Variants in CHKA observed in about 807,000 individuals in gnomAD.
CHKA encodes the protein choline kinase alpha.
CHKA carries 34 observed loss-of-function variants against 60.1 expected under a neutral mutation model. The ratio of observed to expected loss-of-function variants is 0.57; its 90% CI spans 0.43 to 0.75. The LOEUF (loss-of-function observed/expected upper bound fraction) is 0.75, where lower values mean the gene tolerates loss of function less well. CHKA is among the 30% of genes least tolerant of loss of function. The probability of loss-of-function intolerance (pLI) is 0.00; values close to 1 mark genes in which losing one functional copy is unlikely to be tolerated. For missense variants in CHKA, 563 were observed against 561.3 expected (o/e 1.00, Z -0.03); for synonymous variants, 217 against 223.1 (o/e 0.97, Z 0.24).
At chr11:68,064,911 T>C (rs1856388967) in intron 9 of CHKA, among the ~76,000 whole-genome samples, 1 of 152,180 alleles carries the variant, frequency 6.6e-6, no homozygotes, top group African/African-American at 2.4e-5. Flanking sequence ...TGGAGACCAC[T>C]ATTTTGGAGG....
intron 6 of CHKA, among the ~76,000 whole-genome samples, chr11:68,069,536 T>C (rs1168767331): frequency 6.6e-6 from 1 of 151,938 alleles, no homozygotes; most frequent in Non-Finnish European, 1.5e-5. Context: ...ATACAAAAAT[T>C]AGCTGGGTGT....
chr11:68,097,959 C>T (rs1857568218), intron 1 of CHKA, among the ~76,000 whole-genome samples: 1 of 152,054 alleles, frequency 6.6e-6, no homozygotes, highest in Non-Finnish European at 1.5e-5. Flanking sequence ...AGCTGGAGAG[C>T]ACCATGTGCC....
chr11:68,063,492 CA>C (rs34360525), intron 10 of CHKA, among the ~76,000 whole-genome samples: 66 of 143,848 alleles, frequency 4.6e-4, no homozygotes, highest in Admixed American at 7.6e-4. Flanking sequence ...GACTCCATCT[CA>C]AAAAAAAAAA....
chr11:68,078,154 C>T (rs148378235), intron 3 of CHKA, among the ~76,000 whole-genome samples: 2 of 152,286 alleles, frequency 1.3e-5, no homozygotes, highest in Non-Finnish European at 2.9e-5. Flanking sequence ...CTCGCATACA[C>T]CCCCAAAACA....
chr11:68,075,141 C>T (rs1000615899), intron 3 of CHKA, among the ~76,000 whole-genome samples: 5 of 152,186 alleles, frequency 3.3e-5, no homozygotes, highest in South Asian at 2.1e-4. Flanking sequence ...CTATTTATTT[C>T]GCAACCTATA....
At chr11:68,054,437 C>G (rs1162070063) in intron 11 of CHKA, among the ~76,000 whole-genome samples, 1 of 152,166 alleles carries the variant, frequency 6.6e-6, no homozygotes. Flanking sequence ...GGGACACAGG[C>G]GAGTCTAGAA....
intron 1 of CHKA, among the ~76,000 whole-genome samples, chr11:68,113,701 A>G (rs1042469174): frequency 2.0e-5 from 3 of 151,662 alleles, no homozygotes; most frequent in African/African-American, 7.3e-5. Flanking sequence ...TCTCAAAACA[A>G]AAACAAAAAA....
At chr11:68,119,168 C>T (rs1363113772) in intron 1 of CHKA, among the ~76,000 whole-genome samples, 1 of 152,172 alleles carries the variant, frequency 6.6e-6, no homozygotes, top group Admixed American at 6.6e-5. Flanking sequence ...TGCCATTAAG[C>T]AATTCAGGGA....
At chr11:68,119,265 G>A (rs1858512755) in intron 1 of CHKA, among the ~76,000 whole-genome samples, 1 of 152,118 alleles carries the variant, frequency 6.6e-6, no homozygotes, top group African/African-American at 2.4e-5. Flanking sequence ...CAGTCAGAGG[G>A]GCTGAAGCAC....
intron 3 of CHKA, among the ~76,000 whole-genome samples, chr11:68,080,135 A>G (rs1856932215): frequency 6.6e-6 from 1 of 152,174 alleles, no homozygotes; most frequent in Non-Finnish European, 1.5e-5. Flanking sequence ...CCTCTGCACA[A>G]AGGGCTTGGA....
intron 3 of CHKA, among the ~76,000 whole-genome samples, chr11:68,079,571 T>C (rs909819781): frequency 5.9e-5 from 9 of 152,142 alleles, no homozygotes; most frequent in African/African-American, 2.2e-4. Context: ...GACCTCGTGA[T>C]CCACCCACCT....
At chr11:68,070,926 C>T (rs751630860) in intron 4 of CHKA, 69 bp from the exon 5 acceptor site, 319 of 1,495,538 alleles carry the variant, frequency 2.1e-4, no homozygotes, top group Non-Finnish European at 2.7e-4. Context: ...ATCACACAGT[C>T]TTAGGAACGA....
At chr11:68,086,844 G>A (rs903746225) in intron 2 of CHKA, among the ~76,000 whole-genome samples, 1 of 152,226 alleles carries the variant, frequency 6.6e-6, no homozygotes. Flanking sequence ...AAAATTGCCT[G>A]GCGCGGTGGC....
chr11:68,108,741 C>CA (rs1160975215), intron 1 of CHKA, among the ~76,000 whole-genome samples: 97 of 150,776 alleles, frequency 6.4e-4, no homozygotes, highest in African/African-American at 2.2e-3. Context: ...GGCTCTGTCT[C>CA]AAAAAAAAAG....
At chr11:68,085,165 G>A (rs1217228977) in intron 2 of CHKA, among the ~76,000 whole-genome samples, 1 of 152,040 alleles carries the variant, frequency 6.6e-6, no homozygotes, top group East Asian at 1.9e-4. Context: ...AGGCTACAGT[G>A]ACAGCATTAA....
intron 11 of CHKA, among the ~76,000 whole-genome samples, chr11:68,058,186 T>G (rs1856097086): frequency 6.6e-6 from 1 of 152,204 alleles, no homozygotes; most frequent in African/African-American, 2.4e-5. Context: ...CCACCACACC[T>G]GGATGATTTA....
intron 2 of CHKA, among the ~76,000 whole-genome samples, chr11:68,092,320 T>G (rs1364260594): frequency 6.6e-6 from 1 of 152,246 alleles, no homozygotes; most frequent in Non-Finnish European, 1.5e-5. Context: ...TGGCTTTTTT[T>G]GTTGTGATAG....
chr11:68,070,735 G>A lies in CHKA; in HGVS notation c.753C>T (p.Gly251=). 2 of 1,609,810 alleles carry A rather than the reference G, an allele frequency of 1.2e-6. No individual in the cohort carries two copies. The highest frequency in any genetic ancestry group is 1.7e-6 in the Non-Finnish European group (2 of 1,176,418). ...ATTTGACCACTTACTTTTCCATTGT[G>A]CCAAAAAGCCATTTTGGTTCCTTAT... ...PFNKEPKWLF[G]TMEKYLKEVL... is the part of the protein sequence containing the mutation. The change falls in exon 5 of 12, where the codon GGC becomes GGT. Residue 251 remains glycine, a synonymous_variant. Transcript: ENST00000265689.
chr11:68,100,461 G>A (rs913608495), intron 1 of CHKA, among the ~76,000 whole-genome samples: 3 of 151,802 alleles, frequency 2.0e-5, no homozygotes, highest in African/African-American at 7.3e-5. Context: ...ATGGTGGCAC[G>A]TGCCTGTAAT....
Sources: gnomAD v4.1 joint callset for allele counts (sites outside exome capture counted in the v4.1 genomes callset) on GRCh38, gnomAD v4.1.1 for gene constraint, MANE v1.5 for transcripts, NCBI Gene and HGNC (gene_info 2026-07-23, HGNC 2026-07-21) for gene names.